LCORL: variants seen among roughly 807,000 people sequenced by gnomAD.
LCORL encodes the protein ligand-dependent nuclear receptor corepressor-like protein.
Under a neutral mutation model 141.8 loss-of-function variants are expected in LCORL, and 41 were observed. The ratio of observed to expected loss-of-function variants is 0.29; its 90% CI spans 0.23 to 0.38. The LOEUF is 0.38. Ranked by LOEUF, LCORL falls within the 10% of genes least tolerant of loss-of-function variation. LCORL has a pLI of 1.00. For synonymous variants in LCORL, 618 were observed against 694.1 expected (o/e 0.89, Z 1.72); for missense variants, 1,759 against 2,035.0 (o/e 0.86, Z 2.61).
intron 5 of LCORL, among the ~76,000 whole-genome samples, chr4:17,889,735 G>T (rs1383128402): frequency 1.3e-5 from 2 of 151,856 alleles, no homozygotes; most frequent in Non-Finnish European, 2.9e-5. Context: ...GCCCAGGAAT[G>T]GTGGGGGTGG....
intron 4 of LCORL, among the ~76,000 whole-genome samples, chr4:17,932,439 G>A (rs568044479): frequency 7.7e-4 from 117 of 151,988 alleles, no homozygotes; most frequent in Non-Finnish European, 1.4e-3. Flanking sequence ...CTTTCCCTTA[G>A]TTAGGCTGTT....
rs181684141 is a variant in LCORL at position 18,011,339 on chromosome 4, T to C, written c.154+10259A>G. Among the ~76,000 whole-genome samples the C allele has an allele frequency of 4.6e-5, 7 of 152,170 alleles. No homozygotes were observed. In the East Asian group the frequency reaches 5.8e-4, roughly 13 times the overall value. ...CTTTAATTTGAGCTTCTTAAAACTA[T>C]TGCAAACAAAAAGCCCTCAAACCTG... On this transcript the variant is annotated intron_variant, in intron 1 of 7. Coordinates refer to ENST00000635767, the Ensembl canonical transcript of LCORL.
At chr4:17,964,201 G>T (rs2109615709) in intron 2 of LCORL, among the ~76,000 whole-genome samples, 1 of 152,182 alleles carries the variant, frequency 6.6e-6, no homozygotes, top group South Asian at 2.1e-4. Flanking sequence ...GCAGGGAATG[G>T]AAATTAAGAT....
intron 1 of LCORL, among the ~76,000 whole-genome samples, chr4:17,974,384 T>A (rs555228317): frequency 7.2e-5 from 11 of 152,186 alleles, no homozygotes; most frequent in South Asian, 2.1e-4. Flanking sequence ...GACAAATACA[T>A]CTTTTTGTTT....
intron 4 of LCORL, among the ~76,000 whole-genome samples, chr4:17,942,787 C>G (rs1738179889): frequency 1.3e-5 from 2 of 152,120 alleles, no homozygotes; most frequent in African/African-American, 4.8e-5. Context: ...TCCCCGACCC[C>G]TAGGCCACAG....
intron 4 of LCORL, chr4:17,912,175 G>A (rs1402656665): frequency 4.9e-6 from 5 of 1,022,774 alleles, no homozygotes; most frequent in Non-Finnish European, 7.7e-6. Flanking sequence ...TGCCCGTCTT[G>A]CTGCTGATGA....
intron 1 of LCORL, among the ~76,000 whole-genome samples, chr4:18,014,166 A>C (rs1724258566): frequency 6.6e-6 from 1 of 152,148 alleles, no homozygotes; most frequent in Non-Finnish European, 1.5e-5. Context: ...AAAGATACTC[A>C]AGAATTTGGG....
chr4:17,874,852 T>A, exon 7 of LCORL: 2 of 1,233,760 alleles, frequency 1.6e-6, no homozygotes, highest in Non-Finnish European at 2.0e-6. Context: ...GCTATTTTCA[T>A]CTTTGAGTGC....
intron 1 of LCORL, among the ~76,000 whole-genome samples, chr4:17,993,003 T>A (rs773040803): frequency 6.6e-6 from 1 of 152,142 alleles, no homozygotes; most frequent in Admixed American, 6.5e-5. Flanking sequence ...GGAGTCTTAA[T>A]GGAAGAGTAA....
intron 1 of LCORL, among the ~76,000 whole-genome samples, chr4:18,014,104 G>A (rs558161974): frequency 3.3e-5 from 5 of 152,172 alleles, no homozygotes; most frequent in East Asian, 1.9e-4. Flanking sequence ...CACCGTGCCC[G>A]GCCTGCAATT....
chr4:17,860,020 A>G (rs982349546), intron 7 of LCORL, among the ~76,000 whole-genome samples: 3 of 152,202 alleles, frequency 2.0e-5, no homozygotes, highest in Non-Finnish European at 4.4e-5. Flanking sequence ...TATGGGTAAG[A>G]AAAATCAATA....
chr4:18,011,405 T>C (rs1577730720), intron 1 of LCORL, among the ~76,000 whole-genome samples: 1 of 151,278 alleles, frequency 6.6e-6, no homozygotes, highest in South Asian at 2.1e-4. Context: ...AGCTGACTTA[T>C]CTGATCATGC....
At chr4:17,849,355 A>G (rs1723347338) in intron 7 of LCORL, among the ~76,000 whole-genome samples, 1 of 152,196 alleles carries the variant, frequency 6.6e-6, no homozygotes, top group Non-Finnish European at 1.5e-5. Flanking sequence ...AGACAGCAGC[A>G]TTCGCGGTTC....
intron 5 of LCORL, among the ~76,000 whole-genome samples, chr4:17,890,170 A>T (rs992279549): frequency 1.3e-5 from 2 of 152,134 alleles, no homozygotes; most frequent in Non-Finnish European, 2.9e-5. Context: ...ATGTACAATA[A>T]TTCTCTAAGA....
Position 17,850,292 on chromosome 4 carries a change from A to C in LCORL, c.5603-4391T>G, listed in dbSNP as rs543311479. 6.2e-3 allele frequency among the ~76,000 whole-genome samples: 916 copies of C among 148,374 alleles called. 10 individuals carry two copies. Among genetic ancestry groups the C allele is most frequent in the African/African-American group, 0.022 (878 of 40,068 alleles). ...CAAAATTGACAAATGGGATCTAATT[A>C]AACTAAAGAGCTTCTGCACAGCAAA... On this transcript the variant is annotated intron_variant, in intron 7 of 7. Transcript: ENST00000635767.
chr4:17,978,177 A>C (rs1452490312), intron 1 of LCORL, among the ~76,000 whole-genome samples: 2 of 152,108 alleles, frequency 1.3e-5, no homozygotes, highest in African/African-American at 4.8e-5. Context: ...TTTTTTGCAT[A>C]TCTAATACTT....
chr4:17,892,197 ATT>A (rs770471544), intron 5 of LCORL, among the ~76,000 whole-genome samples: 28 of 119,700 alleles, frequency 2.3e-4, no homozygotes, highest in African/African-American at 8.0e-4. Flanking sequence ...GTCAAATAGT[ATT>A]TTTTTTTTTC....
At position 17,912,240 on chromosome 4, in the gene LCORL, CATT is replaced by C. The variant is rs202190935; in HGVS notation, c.431-2898_431-2896del. The C allele has an allele frequency of 4.9e-3, 3,569 of 730,882 alleles. 75 individuals are homozygous for C. In the African/African-American group the frequency reaches 0.051, roughly 11 times the overall value. The allele number at this position is 730,882 out of a possible 1,614,324, so 45.3% of individuals were successfully genotyped here. Reference sequence around the variant, plus strand: ...CCGTGCGCCAGTCTGTGGAGAGCAACATTATGGGCTCCTGCAAGGTCACTGATG... The same window carrying C: ...CCGTGCGCCAGTCTGTGGAGAGCAACATGGGCTCCTGCAAGGTCACTGATG... On this transcript the variant is annotated intron_variant, in intron 4 of 7. Coordinates refer to ENST00000635767, the Ensembl canonical transcript of LCORL.
intron 4 of LCORL, among the ~76,000 whole-genome samples, chr4:17,918,032 C>A (rs1733730640): frequency 6.6e-6 from 1 of 152,194 alleles, no homozygotes; most frequent in Non-Finnish European, 1.5e-5. Context: ...ACACATGGAG[C>A]CCCCATGGCA....
Sources: allele counts gnomAD v4.1 joint callset (sites outside exome capture counted in the v4.1 genomes callset), GRCh38; gene constraint gnomAD v4.1.1; transcripts MANE v1.5; gene names NCBI Gene and HGNC (gene_info 2026-07-23, HGNC 2026-07-21).